The following LINGO2 variants were observed in gnomAD, a reference collection of about 807,000 sequenced individuals.
The protein encoded by LINGO2 is leucine-rich repeat and immunoglobulin-like domain-containing nogo receptor-interacting protein 2.
LINGO2 carries 14 observed loss-of-function variants against 30.6 expected under a neutral mutation model. That is an observed-to-expected ratio of 0.46 (90% CI 0.30 to 0.72). The LOEUF (loss-of-function observed/expected upper bound fraction) is 0.72. Among genes scored for constraint, LINGO2 ranks in the 30% least tolerant of loss-of-function variants. The pLI, the probability that LINGO2 is intolerant of heterozygous loss-of-function variation, is 0.07. For synonymous variants in LINGO2, 317 were observed against 288.5 expected, an observed-to-expected ratio of 1.10 and a Z score of -1.00; for missense variants, 729 against 751.7, an observed-to-expected ratio of 0.97 and a Z score of 0.35.
At chr9:28,240,296 A>C (rs1487109212) in intron 4 of LINGO2, among the ~76,000 whole-genome samples, 1 of 152,198 alleles carries the variant, frequency 6.6e-6, no homozygotes, top group Non-Finnish European at 1.5e-5. Context: ...TTGATATGAC[A>C]TCACAAAAGA....
chr9:28,869,965 G>A, the LINGO2 span, among the ~76,000 whole-genome samples: 2 of 151,228 alleles, frequency 1.3e-5, no homozygotes, highest in African/African-American at 2.4e-5. Context: ...CAAAGCCAAC[G>A]TTATTATACC....
the LINGO2 span, among the ~76,000 whole-genome samples, chr9:28,839,721 A>G: frequency 6.6e-6 from 1 of 152,090 alleles, no homozygotes; most frequent in Non-Finnish European, 1.5e-5. Context: ...AAAGTACCAT[A>G]AGTTCTCACT....
intron 4 of LINGO2, among the ~76,000 whole-genome samples, chr9:28,043,963 T>C (rs1396062292): frequency 6.6e-6 from 1 of 152,236 alleles, no homozygotes; most frequent in East Asian, 1.9e-4. Context: ...TTGATGTATA[T>C]GTTAGTACTA....
chr9:27,994,629 G>T (rs1004872439), intron 5 of LINGO2, among the ~76,000 whole-genome samples: 1 of 152,154 alleles, frequency 6.6e-6, no homozygotes, highest in African/African-American at 2.4e-5. Flanking sequence ...TTCGATGCAT[G>T]CCTAAGGAGG....
intron 4 of LINGO2, among the ~76,000 whole-genome samples, chr9:28,171,729 C>A (rs1373628646): frequency 6.6e-6 from 1 of 152,006 alleles, no homozygotes; most frequent in East Asian, 1.9e-4. Flanking sequence ...AGCATCTCTG[C>A]CGGGTGTGGT....
At chr9:28,309,450 G>A (rs1376805889) in intron 3 of LINGO2, among the ~76,000 whole-genome samples, 1 of 149,736 alleles carries the variant, frequency 6.7e-6, no homozygotes, top group Non-Finnish European at 1.5e-5. Flanking sequence ...CGGGAGGGGG[G>A]AGGGATAGCA....
chr9:28,102,531 G>C (rs1426014396), intron 4 of LINGO2, among the ~76,000 whole-genome samples: 1 of 151,998 alleles, frequency 6.6e-6, no homozygotes, highest in Non-Finnish European at 1.5e-5. Context: ...TAAATATGCT[G>C]TATGTGTTTA....
At chr9:28,982,674 CTTA>C in the LINGO2 span, among the ~76,000 whole-genome samples, 1 of 151,722 alleles carries the variant, frequency 6.6e-6, no homozygotes, top group African/African-American at 2.4e-5. Flanking sequence ...GAATCATTAC[CTTA>C]TTATACCAAA....
At chr9:28,372,009 A>G (rs565694639) in intron 3 of LINGO2, among the ~76,000 whole-genome samples, 1 of 152,296 alleles carries the variant, frequency 6.6e-6, no homozygotes, top group East Asian at 1.9e-4. Context: ...AGGAAATTAG[A>G]TGACAGGACC....
At chr9:28,303,648 T>C (rs2134218812) in intron 3 of LINGO2, among the ~76,000 whole-genome samples, 1 of 152,252 alleles carries the variant, frequency 6.6e-6, no homozygotes, top group Non-Finnish European at 1.5e-5. Flanking sequence ...AATCTTACAA[T>C]AAATTAAGCT....
chr9:28,774,174 A>T, the LINGO2 span, among the ~76,000 whole-genome samples: 1 of 152,134 alleles, frequency 6.6e-6, no homozygotes, highest in Non-Finnish European at 1.5e-5. Context: ...TTTAATTTCA[A>T]TAATAGAGCA....
At chr9:28,033,332 C>G (rs1039030587) in intron 4 of LINGO2, among the ~76,000 whole-genome samples, 11 of 152,008 alleles carry the variant, frequency 7.2e-5, no homozygotes, top group Non-Finnish European at 1.6e-4. Context: ...CAGTACCCTC[C>G]GAAATGGGAG....
intron 1 of LINGO2, among the ~76,000 whole-genome samples, chr9:28,481,162 A>G (rs1204642385): frequency 6.6e-6 from 1 of 152,174 alleles, no homozygotes; most frequent in Non-Finnish European, 1.5e-5. Context: ...TTTTGGGCTC[A>G]TTTCCTATGT....
rs570248634 is a variant in LINGO2 at position 28,241,835 on chromosome 9, G to C, written c.-87+53373C>G. On this transcript the variant is annotated intron_variant, in intron 4 of 5. Coordinates refer to ENST00000379992, the Ensembl canonical transcript of LINGO2. The stretch of plus-strand genomic sequence containing the variant: ...ACATCTCCAGGCATGGAAGTAAATA[G>C]GGCATGAGGTAAACCCCCAGCAAAC... Among the ~76,000 whole-genome samples, 77 of 152,186 alleles carry C rather than the reference G, an allele frequency of 5.1e-4. No individual in the cohort carries two copies. The Middle Eastern group carries it at 0.014, about 27-fold the overall frequency.
At chr9:29,166,434 CAGTTAT>C in the LINGO2 span, among the ~76,000 whole-genome samples, 1 of 151,986 alleles carries the variant, frequency 6.6e-6, no homozygotes, top group Admixed American at 6.6e-5. Context: ...ACGAACTCTC[CAGTTAT>C]AGAGTCTCAG....
At chr9:28,685,139 T>G in the LINGO2 span, among the ~76,000 whole-genome samples, 1 of 152,200 alleles carries the variant, frequency 6.6e-6, no homozygotes, top group African/African-American at 2.4e-5. Context: ...CCTGTCCATG[T>G]TGCTGCAAAG....
chr9:29,114,670 TG>T, the LINGO2 span, among the ~76,000 whole-genome samples: 1 of 150,920 alleles, frequency 6.6e-6, no homozygotes, highest in Non-Finnish European at 1.5e-5. Flanking sequence ...TTTTTGTCCT[TG>T]CGATAGTTTA....
the LINGO2 span, among the ~76,000 whole-genome samples, chr9:29,131,609 T>C: frequency 6.6e-6 from 1 of 152,070 alleles, no homozygotes; most frequent in South Asian, 2.1e-4. Flanking sequence ...GGACCCAGTA[T>C]TAATGTAAAC....
At chr9:28,826,239 C>T in the LINGO2 span, among the ~76,000 whole-genome samples, 1 of 152,184 alleles carries the variant, frequency 6.6e-6, no homozygotes, top group Non-Finnish European at 1.5e-5. Context: ...ATCTCCTCCA[C>T]TGTTATCAAC....
Sources: allele counts gnomAD v4.1 joint callset (sites outside exome capture counted in the v4.1 genomes callset), GRCh38; gene constraint gnomAD v4.1.1; transcripts MANE v1.5; gene names NCBI Gene and HGNC (gene_info 2026-07-23, HGNC 2026-07-21).